The following AGAP1 variants were observed in gnomAD, a reference collection of about 807,000 sequenced individuals.
AGAP1 encodes arf-GAP with GTPase, ANK repeat and PH domain-containing protein 1.
A neutral mutation model predicts 105.3 loss-of-function variants in AGAP1; 29 were observed. The observed-to-expected ratio is 0.28, with a 90% CI of 0.21 to 0.38. AGAP1 has a LOEUF of 0.38. Among genes scored for constraint, AGAP1 ranks in the 10% least tolerant of loss-of-function variants. AGAP1 has a pLI of 1.00. For missense variants in AGAP1, 998 were observed against 1,165.1 expected, an observed-to-expected ratio of 0.86 and a Z score of 2.09; for synonymous variants, 509 against 485.9, an observed-to-expected ratio of 1.05 and a Z score of -0.63.
rs2048651923 is a variant in AGAP1, at chr2:235,855,536, T to C, written c.1051-27809T>C. ...GTCATAAAAGTTGAGTTATAGTAAA[T>C]TTAAAATCGAGCAATTTCTGCTTTA... On this transcript the variant is annotated intron_variant, in intron 9 of 17. Coordinates refer to ENST00000304032, the MANE Select transcript of AGAP1 (RefSeq NM_001037131.3). This position sits in a 1 kb window ranked among gnomAD's most constrained non-coding sequence, Gnocchi z 5.0. Among the ~76,000 whole-genome samples, 1 of 152,246 alleles carries C rather than the reference T, an allele frequency of 6.6e-6. No homozygotes were observed. The highest frequency in any genetic ancestry group is 2.4e-5 in the African/African-American group (1 of 41,460).
intron 1 of AGAP1, among the ~76,000 whole-genome samples, chr2:235,695,589 G>A (rs1341251439): frequency 1.3e-5 from 2 of 152,170 alleles, no homozygotes; most frequent in Non-Finnish European, 2.9e-5. Context: ...AGAACAGACA[G>A]CTTTTGTTCT....
At chr2:235,686,620 GAT>G (rs1194270184) in intron 1 of AGAP1, among the ~76,000 whole-genome samples, 796 of 57,192 alleles carry the variant, frequency 0.014, 17 homozygotes, top group Middle Eastern at 0.047. Flanking sequence ...TGGAGATATA[GAT>G]ATATATATAT....
At position 236,113,500 on chromosome 2, in the gene AGAP1, CAGTT is replaced by C. The variant is rs2059699552; in HGVS notation, c.2115-6690_2115-6687del. ...TGTTACCAGGAATGATCAATAAAGT[CAGTT>C]ACTGTCATCCTTAAGCCCACACTAA... On this transcript the variant is annotated intron_variant, in intron 16 of 17. Coordinates refer to ENST00000304032, the MANE Select transcript of AGAP1 (RefSeq NM_001037131.3). This position sits in a 1 kb window ranked among gnomAD's most constrained non-coding sequence, Gnocchi z 4.3. Among the ~76,000 whole-genome samples the C allele has an allele frequency of 6.6e-6, 1 of 152,180 alleles. No individual in the cohort carries two copies. Among genetic ancestry groups the C allele is most frequent in the Admixed American group, 6.5e-5 (1 of 15,280 alleles).
At chr2:235,694,552 GCA>G (rs1949906220) in intron 1 of AGAP1, among the ~76,000 whole-genome samples, 1 of 151,928 alleles carries the variant, frequency 6.6e-6, no homozygotes, top group African/African-American at 2.4e-5. Context: ...GGAGGCTGAG[GCA>G]AGAGAATTGC....
rs75527041 is a variant in AGAP1, at chr2:235,982,113, G to A, written c.1645+13490G>A. ...AGCACTTAGAAAATACCAGATCCAC[G>A]AAGAACAAATGATCAAAGTTTCAAA... On this transcript the variant is annotated intron_variant, in intron 13 of 17. Transcript: ENST00000304032. This position sits in a 1 kb window ranked among gnomAD's most constrained non-coding sequence, Gnocchi z 4.9. 7.6e-3 allele frequency among the ~76,000 whole-genome samples: 1,160 copies of A among 152,234 alleles called. 18 individuals are homozygous for A. Among genetic ancestry groups the A allele is most frequent in the African/African-American group, 0.026 (1,095 of 41,522 alleles).
rs1413253897 is a variant in AGAP1, at chr2:235,888,207, G to C, written c.1155+4758G>C. Among the ~76,000 whole-genome samples the C allele has an allele frequency of 6.6e-6, 1 of 152,144 alleles. No individual in the cohort carries two copies. The highest frequency in any genetic ancestry group is 1.9e-4 in the East Asian group (1 of 5,182). Reference sequence around the variant, plus strand: ...CAATGTGGTTATGGGCAGGGGGCGGGGGAGCGGGTAGTTCAGGAGGATCTC... The same window carrying C: ...CAATGTGGTTATGGGCAGGGGGCGGCGGAGCGGGTAGTTCAGGAGGATCTC... On this transcript the variant is annotated intron_variant, in intron 10 of 17. Transcript: ENST00000304032. This position sits in a 1 kb window ranked among gnomAD's most constrained non-coding sequence, Gnocchi z 4.8.
intron 13 of AGAP1, among the ~76,000 whole-genome samples, chr2:236,019,515 G>C (rs1417135153): frequency 6.6e-6 from 1 of 152,198 alleles, no homozygotes; most frequent in Admixed American, 6.5e-5. Context: ...CTAGCAGAGG[G>C]AGATCTTTTC....
chr2:235,890,942 C>CAAAAAAAAAA lies in AGAP1; in HGVS notation c.1155+7495_1155+7504dup, dbSNP rs199864293. ...TGGGTGTAAGACTAAAACTGAGGCT[C>CAAAAAAAAAA]AAAAAAAAAAACACCTCAGTTAATT... On this transcript the variant is annotated intron_variant, in intron 10 of 17. Coordinates refer to ENST00000304032, the MANE Select transcript of AGAP1 (RefSeq NM_001037131.3). Among the ~76,000 whole-genome samples the CAAAAAAAAAA allele has an allele frequency of 4.7e-3, 552 of 117,524 alleles. 9 individuals carry two copies. Among genetic ancestry groups the CAAAAAAAAAA allele is most frequent in the African/African-American group, 0.018 (525 of 29,632 alleles). The allele number at this position is 117,524 out of a possible 152,430, so 77.1% of individuals were successfully genotyped here.
intron 1 of AGAP1, among the ~76,000 whole-genome samples, chr2:235,606,046 A>T (rs1398578198): frequency 6.6e-6 from 1 of 152,252 alleles, no homozygotes; most frequent in Admixed American, 6.5e-5. Flanking sequence ...CAACAAAACA[A>T]GCAAACATGT....
chr2:236,093,222 C>T (rs187455069), intron 16 of AGAP1, among the ~76,000 whole-genome samples: 4 of 152,226 alleles, frequency 2.6e-5, no homozygotes, highest in African/African-American at 9.6e-5. Flanking sequence ...CAAAATATTC[C>T]GCCTCAAGGT....
At position 235,792,723 on chromosome 2, in the gene AGAP1, G is replaced by A. The variant is rs73996402; in HGVS notation, c.674-5036G>A. 0.041 allele frequency among the ~76,000 whole-genome samples: 6,287 copies of A among 152,082 alleles called. 429 individuals are homozygous for A. The highest frequency in any genetic ancestry group is 0.14 in the African/African-American group (5,875 of 41,520). The stretch of plus-strand genomic sequence containing the variant: ...CGACTGAGCTAGAAAACAGACGAGA[G>A]GCAGGTCTGAGAGAGGCTAGGAGGC... On this transcript the variant is annotated intron_variant, in intron 6 of 17. Transcript: ENST00000304032. This position sits in a 1 kb window ranked among gnomAD's most constrained non-coding sequence, Gnocchi z 5.3.
intron 6 of AGAP1, among the ~76,000 whole-genome samples, chr2:235,758,547 T>A (rs1391167122): frequency 6.6e-6 from 1 of 152,140 alleles, no homozygotes; most frequent in Admixed American, 6.5e-5. Flanking sequence ...AAAGTCTTAT[T>A]TCTAAGACTT....
rs1248572878 is a variant in AGAP1, at chr2:235,716,047, A to G, written c.223-1510A>G. Among the ~76,000 whole-genome samples the G allele has an allele frequency of 1.3e-5, 2 of 152,130 alleles. No homozygotes were observed. Among genetic ancestry groups the G allele is most frequent in the African/African-American group, 4.8e-5 (2 of 41,400 alleles). On this transcript the variant is annotated intron_variant, in intron 2 of 17. Coordinates refer to ENST00000304032, the MANE Select transcript of AGAP1 (RefSeq NM_001037131.3). This position sits in a 1 kb window ranked among gnomAD's most constrained non-coding sequence, Gnocchi z 4.0. ...GGGTGGACGGCGGCCAGGGGATGCG[A>G]TTTGGGAATAGGCAGCTTTTTTTTC...
Position 235,578,196 on chromosome 2 carries a change from T to C in AGAP1, c.163+83347T>C, listed in dbSNP as rs1011843915. 5.9e-5 allele frequency among the ~76,000 whole-genome samples: 9 copies of C among 152,034 alleles called. No individual in the cohort carries two copies. The highest frequency in any genetic ancestry group is 1.9e-4 in the African/African-American group (8 of 41,386). ...ACCAAGGTTGGAGCTGAGCCCCCCA[T>C]GTCATGAAACTGCCACTGTCAGAGC... is the stretch of plus-strand genomic sequence containing the variant. On this transcript the variant is annotated intron_variant, in intron 1 of 17. Coordinates refer to ENST00000304032, the MANE Select transcript of AGAP1 (RefSeq NM_001037131.3). This position sits in a 1 kb window ranked among gnomAD's most constrained non-coding sequence, Gnocchi z 4.9.
At chr2:235,836,441 G>A (rs115704367) in intron 9 of AGAP1, among the ~76,000 whole-genome samples, 3,411 of 152,298 alleles carry the variant, frequency 0.022, 51 homozygotes, top group Non-Finnish European at 0.037. Context: ...TCCCTTGTGG[G>A]AATGCTGCTG....
chr2:235,825,452 A>G (rs1959012301), intron 9 of AGAP1, among the ~76,000 whole-genome samples: 1 of 152,198 alleles, frequency 6.6e-6, no homozygotes, highest in Non-Finnish European at 1.5e-5. Flanking sequence ...ATTTTAGGCC[A>G]GTCCGTTATT....
chr2:235,902,149 T>C (rs1036193912), intron 10 of AGAP1, among the ~76,000 whole-genome samples: 4 of 152,252 alleles, frequency 2.6e-5, no homozygotes, highest in African/African-American at 9.6e-5. Flanking sequence ...TGGATTCTCG[T>C]ATCTGCTTCA....
rs1023319561 is a variant in AGAP1, at chr2:236,003,106, G to C, written c.1646-33455G>C. On this transcript the variant is annotated intron_variant, in intron 13 of 17. Transcript: ENST00000304032. This position sits in a 1 kb window ranked among gnomAD's most constrained non-coding sequence, Gnocchi z 4.2. ...TGCCCAGGCTGGAGTGCAGTGGCACGGTCTCAGCTCTTACTGCAGCCTCTG... is the reference window on the plus strand; with the variant it reads ...TGCCCAGGCTGGAGTGCAGTGGCACCGTCTCAGCTCTTACTGCAGCCTCTG... 6.6e-6 allele frequency among the ~76,000 whole-genome samples: 1 copy of C among 152,186 alleles called. No individual in the cohort carries two copies. Among genetic ancestry groups the C allele is most frequent in the Non-Finnish European group, 1.5e-5 (1 of 68,038 alleles).
At chr2:235,679,002 A>G (rs890427190) in intron 1 of AGAP1, among the ~76,000 whole-genome samples, 1 of 152,248 alleles carries the variant, frequency 6.6e-6, no homozygotes, top group African/African-American at 2.4e-5. Context: ...GTGCACAGCC[A>G]GCCTTGACTC....
Sources: gnomAD v4.1 joint callset for allele counts (sites outside exome capture counted in the v4.1 genomes callset) on GRCh38, gnomAD v4.1.1 for gene constraint, Gnocchi (gnomAD v3.1) non-coding constraint, MANE v1.5 for transcripts, NCBI Gene and HGNC (gene_info 2026-07-23, HGNC 2026-07-21) for gene names.